The following ALK variants were observed in gnomAD, a reference collection of about 807,000 sequenced individuals.
ALK encodes the protein ALK receptor tyrosine kinase.
In ALK, 74 loss-of-function variants were observed where a neutral mutation model predicts 163.1. That is an observed-to-expected ratio of 0.45 (90% CI 0.38 to 0.55). The LOEUF (loss-of-function observed/expected upper bound fraction) is 0.55. Ranked by LOEUF, ALK falls within the 20% of genes least tolerant of loss-of-function variation. The pLI is 0.00. For missense variants in ALK, 2,063 were observed against 2,105.3 expected (o/e 0.98, Z 0.39); for synonymous variants, 960 against 843.2 (o/e 1.14, Z -2.40).
chr2:29,516,366 C>T (rs1457843776), intron 4 of ALK, among the ~76,000 whole-genome samples: 2 of 152,314 alleles, frequency 1.3e-5, no homozygotes. Flanking sequence ...ATACAGATAC[C>T]ATATGTGGTG....
chr2:29,626,600 G>T (rs1403185837), intron 3 of ALK, among the ~76,000 whole-genome samples: 1 of 152,112 alleles, frequency 6.6e-6, no homozygotes, highest in Non-Finnish European at 1.5e-5. Flanking sequence ...TCCATGATGG[G>T]ATTTGCGTCC....
At chr2:29,904,504 T>C (rs1451640030) in intron 1 of ALK, among the ~76,000 whole-genome samples, 1 of 152,172 alleles carries the variant, frequency 6.6e-6, no homozygotes, top group Admixed American at 6.5e-5. Context: ...AACCCCTTTA[T>C]TAATAACAAC....
At position 29,193,683 on chromosome 2, in the gene ALK, C is replaced by T. The variant is rs1256422825; in HGVS notation, c.4404G>A (p.Gly1468=). The change falls in exon 29 of 29, where the codon GGG becomes GGA. Residue 1468 remains glycine, a synonymous_variant. Coordinates refer to ENST00000389048, the MANE Select transcript of ALK (RefSeq NM_004304.5). ...AAEISVRVPR[G]PAVEGGHVNM... ...TCACGTGTCCCCCTTCCACGGCCGG[C>T]CCTCTAGGGACTCGAACAGAGATCT... 1 of 1,613,820 alleles carries T rather than the reference C, an allele frequency of 6.2e-7. No individual in the cohort carries two copies. The highest frequency in any genetic ancestry group is 8.5e-7 in the Non-Finnish European group (1 of 1,179,756).
chr2:29,723,240 C>T (rs72851961), intron 1 of ALK, among the ~76,000 whole-genome samples: 13,285 of 152,130 alleles, frequency 0.087, 1,149 homozygotes, highest in African/African-American at 0.23. Flanking sequence ...TGCTCTTCCC[C>T]GAACTCACCA....
chr2:29,776,827 A>G (rs530055645), intron 1 of ALK, among the ~76,000 whole-genome samples: 1 of 152,312 alleles, frequency 6.6e-6, no homozygotes, highest in Admixed American at 6.5e-5. Flanking sequence ...AAAGAAAAAG[A>G]AAAAACAAGC....
chr2:29,605,134 A>G (rs1444184049), intron 3 of ALK, among the ~76,000 whole-genome samples: 1 of 152,176 alleles, frequency 6.6e-6, no homozygotes, highest in Non-Finnish European at 1.5e-5. Flanking sequence ...TTCGTGGAAG[A>G]CAGTTTTTCC....
chr2:29,639,857 T>A (rs1428294009), intron 3 of ALK, among the ~76,000 whole-genome samples: 1 of 152,158 alleles, frequency 6.6e-6, no homozygotes, highest in Non-Finnish European at 1.5e-5. Flanking sequence ...TTCGACAACA[T>A]CCTATGAAAG....
Position 29,602,708 on chromosome 2 carries a change from A to G in ALK, c.953-70592T>C, listed in dbSNP as rs146559047. The stretch of plus-strand genomic sequence containing the variant: ...AGGTTAAAGAGTCCTGAACCTCTGC[A>G]AAAATACATAATGATGCTAAAGAAG... On this transcript the variant is annotated intron_variant, in intron 3 of 28. Coordinates refer to ENST00000389048, the MANE Select transcript of ALK (RefSeq NM_004304.5). 4.1e-4 allele frequency among the ~76,000 whole-genome samples: 63 copies of G among 152,328 alleles called. No individual in the cohort carries two copies. The East Asian group carries it at 0.01, about 25-fold the overall frequency.
intron 4 of ALK, among the ~76,000 whole-genome samples, chr2:29,477,797 G>A (rs1283134813): frequency 1.3e-5 from 2 of 152,150 alleles, no homozygotes; most frequent in African/African-American, 4.8e-5. Context: ...AAAAGACTTA[G>A]GGGAAATTGC....
intron 3 of ALK, among the ~76,000 whole-genome samples, chr2:29,576,418 C>T (rs1306886650): frequency 6.6e-6 from 1 of 152,220 alleles, no homozygotes; most frequent in African/African-American, 2.4e-5. Context: ...CAACTGCAGG[C>T]TAACTTGGCA....
intron 1 of ALK, among the ~76,000 whole-genome samples, chr2:29,852,912 TG>T (rs1666040657): frequency 1.3e-5 from 2 of 151,880 alleles, no homozygotes; most frequent in African/African-American, 4.8e-5. Context: ...GACAGCCATC[TG>T]CTAAGTAGGA....
At chr2:29,909,887 G>A (rs962353052) in intron 1 of ALK, among the ~76,000 whole-genome samples, 10 of 148,224 alleles carry the variant, frequency 6.7e-5, no homozygotes, top group African/African-American at 2.5e-5. Context: ...TGATGGACAA[G>A]TCAATTAACT....
intron 1 of ALK, among the ~76,000 whole-genome samples, chr2:29,828,254 T>C (rs890705502): frequency 2.6e-5 from 4 of 152,174 alleles, no homozygotes; most frequent in African/African-American, 9.7e-5. Flanking sequence ...GACATAGGCA[T>C]GGGCAAGGAC....
intron 4 of ALK, among the ~76,000 whole-genome samples, chr2:29,476,916 G>T (rs188276223): frequency 6.6e-6 from 1 of 152,158 alleles, no homozygotes; most frequent in Non-Finnish European, 1.5e-5. Flanking sequence ...CCCTTTTATC[G>T]TTGGTTGACA....
At chr2:29,730,680 G>C (rs1679716770) in intron 1 of ALK, among the ~76,000 whole-genome samples, 1 of 152,194 alleles carries the variant, frequency 6.6e-6, no homozygotes, top group Admixed American at 6.5e-5. Flanking sequence ...ATGACACACA[G>C]AGAAAATAAT....
intron 11 of ALK, among the ~76,000 whole-genome samples, chr2:29,268,625 T>G (rs1573177740): frequency 6.6e-6 from 1 of 152,308 alleles, no homozygotes; most frequent in African/African-American, 2.4e-5. Flanking sequence ...AATGATGTTG[T>G]CTGCATTGGG....
intron 5 of ALK, among the ~76,000 whole-genome samples, chr2:29,340,469 C>T (rs1044340748): frequency 5.9e-5 from 9 of 152,132 alleles, no homozygotes; most frequent in South Asian, 2.1e-4. Flanking sequence ...CCTCTTAAAG[C>T]TACGCAGGAG....
intron 4 of ALK, among the ~76,000 whole-genome samples, chr2:29,418,623 A>G (rs959914923): frequency 2.0e-5 from 3 of 152,214 alleles, no homozygotes; most frequent in Non-Finnish European, 2.9e-5. Flanking sequence ...GCTCCCACGT[A>G]TAAGTGACAA....
intron 1 of ALK, among the ~76,000 whole-genome samples, chr2:29,908,967 A>T (rs1667625942): frequency 6.6e-6 from 1 of 152,366 alleles, no homozygotes; most frequent in East Asian, 1.9e-4. Context: ...AAACTAAACC[A>T]ATAAATAAGC....
Sources: allele counts gnomAD v4.1 joint callset (sites outside exome capture counted in the v4.1 genomes callset), GRCh38; gene constraint gnomAD v4.1.1; transcripts MANE v1.5; gene names NCBI Gene and HGNC (gene_info 2026-07-23, HGNC 2026-07-21).